The following PSTPIP2 variants were observed in gnomAD, a reference collection of about 807,000 sequenced individuals.
The protein encoded by PSTPIP2 is proline-serine-threonine phosphatase-interacting protein 2.
A neutral mutation model predicts 63.3 loss-of-function variants in PSTPIP2; 33 were observed. The observed-to-expected ratio is 0.52, with a 90% CI of 0.40 to 0.70. PSTPIP2 has a LOEUF of 0.70. PSTPIP2 is among the 30% of genes least tolerant of loss of function. The probability of loss-of-function intolerance (pLI) is 0.00; values close to 1 mark genes in which losing one functional copy is unlikely to be tolerated. For missense variants in PSTPIP2, 312 were observed against 400.7 expected, an observed-to-expected ratio of 0.78 and a Z score of 1.89; for synonymous variants, 125 against 132.7, an observed-to-expected ratio of 0.94 and a Z score of 0.40.
intron 4 of PSTPIP2, among the ~76,000 whole-genome samples, chr18:46,014,755 A>G (rs2051836356): frequency 6.6e-6 from 1 of 152,176 alleles, no homozygotes; most frequent in Non-Finnish European, 1.5e-5. Context: ...TTAGGCAATC[A>G]GCCTGTAAGA....
intron 2 of PSTPIP2, chr18:46,028,879 A>G: frequency 6.3e-7 from 1 of 1,583,684 alleles, no homozygotes; most frequent in South Asian, 1.1e-5. Flanking sequence ...TGGGAATTTC[A>G]TATCCACATC....
At chr18:46,053,236 A>G (rs1568230374) in intron 1 of PSTPIP2, among the ~76,000 whole-genome samples, 1 of 152,044 alleles carries the variant, frequency 6.6e-6, no homozygotes, top group Non-Finnish European at 1.5e-5. Context: ...TTTTTTCCAA[A>G]GTTTTCATTT....
intron 1 of PSTPIP2, among the ~76,000 whole-genome samples, chr18:46,050,235 G>T (rs1908539567): frequency 6.6e-6 from 1 of 152,180 alleles, no homozygotes; most frequent in African/African-American, 2.4e-5. Flanking sequence ...ACACAAACAT[G>T]AAAAGATTTG....
At chr18:46,051,710 A>G (rs1410355292) in intron 1 of PSTPIP2, among the ~76,000 whole-genome samples, 2 of 152,220 alleles carry the variant, frequency 1.3e-5, no homozygotes, top group Non-Finnish European at 2.9e-5. Context: ...GAGAAATTCA[A>G]TTCACAATTC....
intron 1 of PSTPIP2, among the ~76,000 whole-genome samples, chr18:46,062,170 T>G (rs954424556): frequency 6.6e-6 from 1 of 152,158 alleles, no homozygotes; most frequent in African/African-American, 2.4e-5. Context: ...CTCCCTACCC[T>G]GAACAGCTTA....
chr18:46,062,983 C>T (rs1227388230), intron 1 of PSTPIP2, among the ~76,000 whole-genome samples: 1 of 152,162 alleles, frequency 6.6e-6, no homozygotes, highest in Non-Finnish European at 1.5e-5. Flanking sequence ...AATGTCAGAA[C>T]ACTTAAGCCC....
chr18:46,033,555 G>A (rs643358), intron 2 of PSTPIP2, among the ~76,000 whole-genome samples: 119,020 of 151,926 alleles, frequency 0.78, 49,801 homozygotes, highest in East Asian at 0.96. Context: ...AAAATTAGCT[G>A]GGTGTAGTGG....
chr18:46,039,351 G>A (rs1316356179), intron 2 of PSTPIP2, among the ~76,000 whole-genome samples: 3 of 152,060 alleles, frequency 2.0e-5, no homozygotes, highest in South Asian at 2.1e-4. Flanking sequence ...CATCATGATC[G>A]GCTTCACAGC....
At chr18:46,003,868 T>C (rs575185235) in intron 6 of PSTPIP2, among the ~76,000 whole-genome samples, 1 of 151,726 alleles carries the variant, frequency 6.6e-6, no homozygotes, top group African/African-American at 2.4e-5. Context: ...GCGATTCTCC[T>C]GCCTCAACTT....
chr18:46,053,867 A>G (rs1190135012), intron 1 of PSTPIP2, among the ~76,000 whole-genome samples: 1 of 152,220 alleles, frequency 6.6e-6, no homozygotes, highest in Admixed American at 6.5e-5. Context: ...CCAGTCTGAA[A>G]AGGCTACACA....
intron 1 of PSTPIP2, among the ~76,000 whole-genome samples, chr18:46,049,664 T>G (rs4890314): frequency 0.14 from 20,609 of 152,120 alleles, 1,827 homozygotes; most frequent in East Asian, 0.41. Context: ...GGCGGATCAC[T>G]AGGTCAGGAG....
chr18:45,994,821 AC>A (rs1396939184), intron 9 of PSTPIP2, among the ~76,000 whole-genome samples: 1 of 152,094 alleles, frequency 6.6e-6, no homozygotes, highest in East Asian at 1.9e-4. Flanking sequence ...TATCTATATA[AC>A]ATAGTATAAT....
intron 3 of PSTPIP2, among the ~76,000 whole-genome samples, chr18:46,021,425 A>G (rs955079887): frequency 2.8e-5 from 2 of 71,616 alleles, no homozygotes; most frequent in African/African-American, 5.8e-5. Flanking sequence ...ATATATGTGT[A>G]TGTGTATATA....
intron 2 of PSTPIP2, chr18:46,029,285 C>T: frequency 7.0e-7 from 1 of 1,426,848 alleles, no homozygotes; most frequent in South Asian, 1.1e-5. Flanking sequence ...TCATAAATGG[C>T]ATTGCTGGGT....
At chr18:45,989,344 C>T (rs940360079) in intron 13 of PSTPIP2, among the ~76,000 whole-genome samples, 1 of 152,150 alleles carries the variant, frequency 6.6e-6, no homozygotes, top group Non-Finnish European at 1.5e-5. Flanking sequence ...ATAAGTCTCA[C>T]GAGATCTGAT....
rs1043571445 is a variant in PSTPIP2, at chr18:45,998,810, G to A, written c.546C>T (p.Thr182=). The change falls in exon 8 of 15, where the codon ACC becomes ACT. Residue 182 remains threonine (T), a synonymous_variant. Coordinates refer to ENST00000409746, the MANE Select transcript of PSTPIP2 (RefSeq NM_024430.4). The part of the protein sequence containing the change: ...KLFVKLATSK[T]AVEDSDKAYM... ...CCCCCTCACCTGAGTCCTCTACTGC[G>A]GTCTTTGAAGTTGCCAGTTTCACAA... is the stretch of plus-strand genomic sequence containing the variant. 1.4e-5 allele frequency: 22 copies of A among 1,613,398 alleles called. No homozygotes were observed. The highest frequency in any genetic ancestry group is 1.7e-5 in the Admixed American group (1 of 59,914).
At chr18:46,042,300 A>C (rs1187341946) in intron 1 of PSTPIP2, among the ~76,000 whole-genome samples, 1 of 152,046 alleles carries the variant, frequency 6.6e-6, no homozygotes, top group Non-Finnish European at 1.5e-5. Flanking sequence ...AAGGCATCTA[A>C]CTGCCCCTGA....
intron 9 of PSTPIP2, among the ~76,000 whole-genome samples, chr18:45,995,721 A>G (rs1281414913): frequency 1.3e-5 from 2 of 152,184 alleles, no homozygotes; most frequent in Non-Finnish European, 2.9e-5. Flanking sequence ...GACAACATGG[A>G]CTTGGAGACA....
At chr18:46,016,059 G>T in intron 3 of PSTPIP2, 122 bp from the exon 4 acceptor site, 1 of 1,145,790 alleles carries the variant, frequency 8.7e-7, no homozygotes, top group Non-Finnish European at 1.3e-6. Context: ...ACCAATTTTT[G>T]CCCATGAGCT....
Sources: allele counts gnomAD v4.1 joint callset (sites outside exome capture counted in the v4.1 genomes callset), GRCh38; gene constraint gnomAD v4.1.1; transcripts MANE v1.5; gene names NCBI Gene and HGNC (gene_info 2026-07-23, HGNC 2026-07-21).